The following RNF144B variants were observed in gnomAD, a reference collection of about 807,000 sequenced individuals.
RNF144B encodes ring finger protein 144B, also known as E3 ubiquitin-protein ligase RNF144B.
In RNF144B, 25 loss-of-function variants were observed where a neutral mutation model predicts 40.2. The observed-to-expected ratio is 0.62, with a 90% confidence interval of 0.45 to 0.87. The LOEUF (loss-of-function observed/expected upper bound fraction) is 0.87, where lower values mean the gene tolerates loss of function less well. RNF144B is among the 40% of genes least tolerant of loss of function. RNF144B has a pLI of 0.00. For missense variants in RNF144B, 365 were observed against 373.7 expected (o/e 0.98, Z 0.19); for synonymous variants, 145 against 136.3 (o/e 1.06, Z -0.44).
intron 3 of RNF144B, among the ~76,000 whole-genome samples, chr6:18,436,782 T>C (rs1479173381): frequency 6.6e-6 from 1 of 152,172 alleles, no homozygotes; most frequent in Non-Finnish European, 1.5e-5. Context: ...CTAATAATCA[T>C]CCTAACACAA....
Position 18,398,204 on chromosome 6 carries a change from T to A in RNF144B, c.-36-1295T>A, listed in dbSNP as rs958923185. Among the ~76,000 whole-genome samples the A allele has an allele frequency of 6.6e-6, 1 of 152,184 alleles. No individual in the cohort carries two copies. Among genetic ancestry groups the A allele is most frequent in the East Asian group, 1.9e-4 (1 of 5,190 alleles). On this transcript the variant is annotated intron_variant, in intron 1 of 7. Coordinates refer to ENST00000259939, the MANE Select transcript of RNF144B (RefSeq NM_182757.4). This position sits in a 1 kb window ranked among gnomAD's most constrained non-coding sequence, Gnocchi z 5.0. ...CTTCTTTTTGTCTCTCAGAATTGAC[T>A]ACTCTAGGTACCTCATTTAAGTGGA...
intron 1 of RNF144B, among the ~76,000 whole-genome samples, chr6:18,389,079 G>A (rs778320238): frequency 6.6e-6 from 1 of 152,256 alleles, no homozygotes; most frequent in Admixed American, 6.5e-5. Flanking sequence ...TCGGGCTTGA[G>A]TGTGGTCAAA....
rs1264107704 is a variant in RNF144B at position 18,405,247 on chromosome 6, C to T, written c.165+5548C>T. On this transcript the variant is annotated intron_variant, in intron 2 of 7. Transcript: ENST00000259939. The surrounding 1 kb of genome is among the most constrained non-coding windows in gnomAD (Gnocchi z 4.5). ...GGAGTGCAGTGGCACAATCTCGGCTCACTGTAACTTCCGCCTCCCGGGTTC... is the reference window on the plus strand; with the variant it reads ...GGAGTGCAGTGGCACAATCTCGGCTTACTGTAACTTCCGCCTCCCGGGTTC... 1.3e-5 allele frequency among the ~76,000 whole-genome samples: 2 copies of T among 151,750 alleles called. No individual in the cohort carries two copies. Among genetic ancestry groups the T allele is most frequent in the Non-Finnish European group, 2.9e-5 (2 of 67,968 alleles).
In RNF144B at chr6:18,459,715, G is replaced by A. The variant is rs1759411349; in HGVS notation, c.645G>A (p.Lys215=). The A allele has an allele frequency of 2.5e-6, 4 of 1,614,118 alleles. No individual in the cohort carries two copies. The highest frequency in any genetic ancestry group is 1.7e-4 in the Middle Eastern group (1 of 6,060). Residue 215 remains lysine, a synonymous_variant, in exon 6 of 8, where the codon AAG becomes AAA. Coordinates refer to ENST00000259939, the MANE Select transcript of RNF144B (RefSeq NM_182757.4). This position sits in a 1 kb window ranked among gnomAD's most constrained non-coding sequence, Gnocchi z 4.2. Reference sequence around the variant, plus strand: ...CTCAGATGATGTGCAAAAACTGCAAGCATACATTTTGCTGGTACTGCCTCC... The same window carrying A: ...CTCAGATGATGTGCAAAAACTGCAAACATACATTTTGCTGGTACTGCCTCC... ...GCAQMMCKNC[K]HTFCWYCLQN...
chr6:18,454,550 C>CT (rs776560904), intron 4 of RNF144B, among the ~76,000 whole-genome samples: 5 of 152,090 alleles, frequency 3.3e-5, no homozygotes, highest in Non-Finnish European at 5.9e-5. Flanking sequence ...CCTCCTTTTT[C>CT]TTTTTCTACA....
At position 18,395,389 on chromosome 6, in the gene RNF144B, G is replaced by T. The variant is rs553163668; in HGVS notation, c.-36-4110G>T. On this transcript the variant is annotated intron_variant, in intron 1 of 7. Coordinates refer to ENST00000259939, the MANE Select transcript of RNF144B (RefSeq NM_182757.4). The surrounding 1 kb of genome is among the most constrained non-coding windows in gnomAD (Gnocchi z 4.5). ...GCTTCCTGAGGCTCTACTATTGGGG[G>T]TTTCATGCTGTGAAGACCGGTGAAT... is the stretch of plus-strand genomic sequence containing the variant. Among the ~76,000 whole-genome samples the T allele has an allele frequency of 9.0e-4, 137 of 152,250 alleles. No individual in the cohort carries two copies. The highest frequency in any genetic ancestry group is 1.2e-3 in the Non-Finnish European group (83 of 68,012).
chr6:18,452,248 A>G (rs1472989204), intron 4 of RNF144B, among the ~76,000 whole-genome samples: 1 of 152,238 alleles, frequency 6.6e-6, no homozygotes, highest in Non-Finnish European at 1.5e-5. Flanking sequence ...GTTGGAGCAC[A>G]CAAACAGAAT....
At position 18,427,680 on chromosome 6, in the gene RNF144B, G is replaced by A; in HGVS notation, c.265G>A (p.Ala89Thr). ...CCTAAACCACGGGACCCTGCAGGAA[G>A]CTGAGGTATGAATGACTACCATCAT... is the stretch of plus-strand genomic sequence containing the variant. ...VCLNHGTLQE[A>T]EIACLVPVDQ... is the part of the protein sequence containing the mutation. Residue 89 changes from alanine to threonine, a missense_variant, in exon 3 of 8, where the codon GCT (alanine) becomes ACT (threonine). Physicochemically the swap from Ala to Thr is moderately conservative, Grantham distance 58. Coordinates refer to ENST00000259939, the MANE Select transcript of RNF144B (RefSeq NM_182757.4). 2.5e-6 allele frequency: 4 copies of A among 1,599,666 alleles called. No homozygotes were observed. The highest frequency in any genetic ancestry group is 3.4e-6 in the Non-Finnish European group (4 of 1,167,170).
intron 2 of RNF144B, among the ~76,000 whole-genome samples, chr6:18,403,768 A>G (rs901438619): frequency 1.3e-5 from 2 of 152,210 alleles, no homozygotes; most frequent in African/African-American, 2.4e-5. Flanking sequence ...GCAGGTGGAA[A>G]GTTAGAGAAG....
chr6:18,428,118 T>C (rs1758606778), intron 3 of RNF144B, among the ~76,000 whole-genome samples: 1 of 152,140 alleles, frequency 6.6e-6, no homozygotes, highest in African/African-American at 2.4e-5. Context: ...TGAGAACTGA[T>C]GGTTTTATAA....
At chr6:18,431,486 A>G (rs1401410858) in intron 3 of RNF144B, among the ~76,000 whole-genome samples, 1 of 152,182 alleles carries the variant, frequency 6.6e-6, no homozygotes, top group Non-Finnish European at 1.5e-5. Flanking sequence ...TATTGCATAC[A>G]GTTATAACAT....
chr6:18,389,121 T>C (rs1794530650), intron 1 of RNF144B, among the ~76,000 whole-genome samples: 1 of 152,098 alleles, frequency 6.6e-6, no homozygotes, highest in African/African-American at 2.4e-5. Flanking sequence ...TTTACAAATA[T>C]TTACAGTCAT....
Position 18,446,840 on chromosome 6 carries a change from GGTGT to G in RNF144B, c.331+7127_331+7130del, listed in dbSNP as rs70974744. Among the ~76,000 whole-genome samples the G allele has an allele frequency of 0.014, 2,113 of 147,982 alleles. 48 individuals are homozygous for G. The highest frequency in any genetic ancestry group is 0.044 in the African/African-American group (1,746 of 40,000). On this transcript the variant is annotated intron_variant, in intron 4 of 7. Coordinates refer to ENST00000259939, the MANE Select transcript of RNF144B (RefSeq NM_182757.4). The surrounding 1 kb of genome is among the most constrained non-coding windows in gnomAD (Gnocchi z 4.7). The stretch of plus-strand genomic sequence containing the variant: ...TAAAGTTTTATTGGTTCTATTTTAG[GGTGT>G]GTGTGTGTGTGTGTGTGTGTGTGTG...
At chr6:18,407,017 A>G (rs1284349691) in intron 2 of RNF144B, among the ~76,000 whole-genome samples, 1 of 152,142 alleles carries the variant, frequency 6.6e-6, no homozygotes, top group Non-Finnish European at 1.5e-5. Context: ...TATCATGGGA[A>G]CAGCATGGGG....
At chr6:18,452,139 G>C (rs1759222898) in intron 4 of RNF144B, among the ~76,000 whole-genome samples, 1 of 152,224 alleles carries the variant, frequency 6.6e-6, no homozygotes, top group African/African-American at 2.4e-5. Flanking sequence ...TGCATTATAA[G>C]TCAATTGTTG....
chr6:18,388,116 T>C (rs2113446533), intron 1 of RNF144B, among the ~76,000 whole-genome samples: 2 of 152,304 alleles, frequency 1.3e-5, no homozygotes, highest in Middle Eastern at 3.4e-3. Context: ...ACCTTTTGTT[T>C]TTCTCATGAG....
At chr6:18,437,652 A>G (rs1332999952) in intron 3 of RNF144B, among the ~76,000 whole-genome samples, 1 of 152,248 alleles carries the variant, frequency 6.6e-6, no homozygotes, top group East Asian at 1.9e-4. Flanking sequence ...AGAAATCCAA[A>G]GTACCATAAA....
Position 18,400,214 on chromosome 6 carries a change from A to G in RNF144B, c.165+515A>G, listed in dbSNP as rs1268261302. Reference sequence around the variant, plus strand: ...CGTGAACCTGGGAGGCAGAGCTTGCAGTGAGCCGAGATCAGGCCACTGCAC... The same window carrying G: ...CGTGAACCTGGGAGGCAGAGCTTGCGGTGAGCCGAGATCAGGCCACTGCAC... On this transcript the variant is annotated intron_variant, in intron 2 of 7. Coordinates refer to ENST00000259939, the MANE Select transcript of RNF144B (RefSeq NM_182757.4). This position sits in a 1 kb window ranked among gnomAD's most constrained non-coding sequence, Gnocchi z 5.6. Among the ~76,000 whole-genome samples, 3 of 151,632 alleles carry G rather than the reference A, an allele frequency of 2.0e-5. No homozygotes were observed. Among genetic ancestry groups the G allele is most frequent in the Admixed American group, 2.0e-4 (3 of 15,220 alleles).
At chr6:18,397,357 T>C (rs562390865) in intron 1 of RNF144B, among the ~76,000 whole-genome samples, 1 of 152,298 alleles carries the variant, frequency 6.6e-6, no homozygotes, top group South Asian at 2.1e-4. Flanking sequence ...AAGAGCTTGG[T>C]TCTTGTAGGG....
Sources: gnomAD v4.1 joint callset for allele counts (sites outside exome capture counted in the v4.1 genomes callset) on GRCh38, gnomAD v4.1.1 for gene constraint, Gnocchi (gnomAD v3.1) non-coding constraint, MANE v1.5 for transcripts, NCBI Gene and HGNC (gene_info 2026-07-23, HGNC 2026-07-21) for gene names.